The following CAMK2B variants were observed in gnomAD, a reference collection of about 807,000 sequenced individuals.
The protein encoded by CAMK2B is calcium/calmodulin dependent protein kinase II beta, also known as calcium/calmodulin-dependent protein kinase type II subunit beta.
In CAMK2B, 27 loss-of-function variants were observed where a neutral mutation model predicts 93.7. The observed-to-expected ratio is 0.29, with a 90% CI of 0.21 to 0.40. The LOEUF (loss-of-function observed/expected upper bound fraction) is 0.40. Among genes scored for constraint, CAMK2B ranks in the 10% least tolerant of loss-of-function variants. The pLI is 1.00. For missense variants in CAMK2B, 568 were observed against 895.8 expected, an observed-to-expected ratio of 0.63 and a Z score of 4.67; for synonymous variants, 374 against 358.8, an observed-to-expected ratio of 1.04 and a Z score of -0.48.
intron 1 of CAMK2B, among the ~76,000 whole-genome samples, chr7:44,324,510 C>T (rs1434925175): frequency 1.3e-5 from 2 of 151,962 alleles, no homozygotes; most frequent in Non-Finnish European, 2.9e-5. Flanking sequence ...AGACCTTCGC[C>T]CTACACTGCT....
intron 17 of CAMK2B, chr7:44,230,266 G>A (rs759246868): frequency 6.6e-6 from 1 of 152,400 alleles, no homozygotes; most frequent in Non-Finnish European, 1.5e-5. Flanking sequence ...GGTAGGCCGG[G>A]CAGGAGCAAG....
At chr7:44,255,675 C>A (rs2096827840) in intron 4 of CAMK2B, among the ~76,000 whole-genome samples, 1 of 152,184 alleles carries the variant, frequency 6.6e-6, no homozygotes, top group Non-Finnish European at 1.5e-5. Flanking sequence ...GAATGTAGGG[C>A]TTAGGTCTTC....
chr7:44,308,820 G>A (rs971422806), intron 1 of CAMK2B, among the ~76,000 whole-genome samples: 4 of 152,146 alleles, frequency 2.6e-5, no homozygotes, highest in Non-Finnish European at 5.9e-5. Flanking sequence ...GGCGGTGTGC[G>A]AGCCCCTCGT....
chr7:44,252,132 T>C (rs1302494434), intron 5 of CAMK2B, among the ~76,000 whole-genome samples: 1 of 151,738 alleles, frequency 6.6e-6, no homozygotes, highest in Non-Finnish European at 1.5e-5. Flanking sequence ...CGCCTGTGGA[T>C]TGGGCGGAGG....
chr7:44,249,312 C>T (rs1479671097), intron 5 of CAMK2B, among the ~76,000 whole-genome samples: 1 of 152,184 alleles, frequency 6.6e-6, no homozygotes, highest in Non-Finnish European at 1.5e-5. Context: ...CCCTGCAAGA[C>T]GGGAAGCCTG....
At chr7:44,310,545 T>G (rs1793265784) in intron 1 of CAMK2B, among the ~76,000 whole-genome samples, 3 of 152,152 alleles carry the variant, frequency 2.0e-5, no homozygotes, top group African/African-American at 7.2e-5. Flanking sequence ...GCAGCATTAT[T>G]CACAACAGCC....
intron 1 of CAMK2B, among the ~76,000 whole-genome samples, chr7:44,319,749 A>G (rs1374080825): frequency 2.0e-5 from 3 of 152,102 alleles, no homozygotes; most frequent in Non-Finnish European, 2.9e-5. Flanking sequence ...ATGGGTCCCA[A>G]TTTTTGGTTT....
chr7:44,271,390 G>C lies in CAMK2B; in HGVS notation c.161-8326C>G, dbSNP rs1250387343. On this transcript the variant is annotated intron_variant, in intron 2 of 23. Transcript: ENST00000395749. This position sits in a 1 kb window ranked among gnomAD's most constrained non-coding sequence, Gnocchi z 4.2. ...ACTTGGGAGCCAAGCGCAGCCCTGT[G>C]TGGCACTGAGCAGCTCGGCCAGAAC... Among the ~76,000 whole-genome samples the C allele has an allele frequency of 2.6e-5, 4 of 152,254 alleles. No homozygotes were observed. Among genetic ancestry groups the C allele is most frequent in the African/African-American group, 9.6e-5 (4 of 41,462 alleles).
chr7:44,325,568 G>T lies in CAMK2B; in HGVS notation c.-147C>A, dbSNP rs1205863941. The T allele has an allele frequency of 3.9e-6, 1 of 257,540 alleles. No individual in the cohort carries two copies. The highest frequency in any genetic ancestry group is 6.0e-6 in the Non-Finnish European group (1 of 167,250). The allele number at this position is 257,540 out of a possible 1,614,324, so 16.0% of individuals were successfully genotyped here. On this transcript the variant is annotated 5_prime_UTR_variant, in exon 1 of 24. Coordinates refer to ENST00000395749, the MANE Select transcript of CAMK2B (RefSeq NM_001220.5). ...CCAGGCGGGGGCCGGGCTGGGCTGC[G>T]CCGGGCGGCGAGCGCACGCGAGATC...
chr7:44,259,533 G>A (rs556296249), intron 3 of CAMK2B: 1 of 154,668 alleles, frequency 6.5e-6, no homozygotes, highest in South Asian at 2.0e-4. Context: ...TGGTCAGCAG[G>A]ATGGACCACC....
At chr7:44,250,527 C>CTTTTTTT (rs36056008) in intron 5 of CAMK2B, among the ~76,000 whole-genome samples, 1 of 117,820 alleles carries the variant, frequency 8.5e-6, no homozygotes, top group Non-Finnish European at 1.8e-5. Context: ...AGTGACATTG[C>CTTTTTTT]TTTTTTTTTT....
chr7:44,277,300 AT>A (rs1470322805), intron 2 of CAMK2B, among the ~76,000 whole-genome samples: 3 of 152,154 alleles, frequency 2.0e-5, no homozygotes, highest in Non-Finnish European at 4.4e-5. Context: ...ATAATCTCTC[AT>A]TATTCAGTAC....
chr7:44,232,657 G>A (rs529537897), intron 16 of CAMK2B, among the ~76,000 whole-genome samples, 165 bp downstream of exon 16: 12 of 152,264 alleles, frequency 7.9e-5, no homozygotes, highest in Non-Finnish European at 1.5e-4. Flanking sequence ...AGTCTGTCCT[G>A]TTGTTGCCCA....
At position 44,229,769 on chromosome 7, in the gene CAMK2B, G is replaced by A. The variant is rs1053444277; in HGVS notation, c.1226-268C>T. ...AGGGCAGCACAGGCCAGTGCAGGCT[G>A]GCGCAGAGTCAGAGGCCACCCTGCC... On this transcript the variant is annotated intron_variant, in intron 17 of 23. Coordinates refer to ENST00000395749, the MANE Select transcript of CAMK2B (RefSeq NM_001220.5). 4.3e-5 allele frequency: 16 copies of A among 376,240 alleles called. No individual in the cohort carries two copies. In the Admixed American group the frequency reaches 5.2e-4, roughly 12 times the overall value. The allele number at this position is 376,240 out of a possible 1,614,324, so 23.3% of individuals were successfully genotyped here.
intron 1 of CAMK2B, among the ~76,000 whole-genome samples, chr7:44,305,525 A>G (rs538994416): frequency 5.9e-5 from 9 of 152,288 alleles, no homozygotes; most frequent in South Asian, 2.1e-4. Context: ...AAGCCCCCCA[A>G]TCAACCTCTT....
chr7:44,256,269 G>C (rs1287837352), intron 4 of CAMK2B, among the ~76,000 whole-genome samples: 1 of 152,262 alleles, frequency 6.6e-6, no homozygotes, highest in African/African-American at 2.4e-5. Flanking sequence ...GTGTGAGGGT[G>C]TGTGTGTGCA....
chr7:44,295,588 G>A (rs1471828319), intron 1 of CAMK2B, among the ~76,000 whole-genome samples: 2 of 152,236 alleles, frequency 1.3e-5, no homozygotes, highest in African/African-American at 2.4e-5. Context: ...AGCCTTAGCA[G>A]CGTGCACCCA....
At chr7:44,220,971 A>AG in intron 20 of CAMK2B, 70 bp from the exon 21 acceptor site, 1 of 1,347,338 alleles carries the variant, frequency 7.4e-7, no homozygotes, top group Non-Finnish European at 1.0e-6. Flanking sequence ...CACACAGCCC[A>AG]GGGGAGGGCC....
chr7:44,259,053 G>C, intron 3 of CAMK2B, 127 bp from the exon 4 acceptor site: 1 of 859,172 alleles, frequency 1.2e-6, no homozygotes. Context: ...ATCGGGCTGG[G>C]TAGGGCCCGG....
Sources: allele counts gnomAD v4.1 joint callset (sites outside exome capture counted in the v4.1 genomes callset), GRCh38; gene constraint gnomAD v4.1.1; non-coding constraint Gnocchi (gnomAD v3.1); transcripts MANE v1.5; gene names NCBI Gene and HGNC (gene_info 2026-07-23, HGNC 2026-07-21).